The following PEMT variants were observed in gnomAD, a reference collection of about 807,000 sequenced individuals.
The protein encoded by PEMT is phospholipid methyltransferase.
PEMT carries 23 observed loss-of-function variants against 27.4 expected under a neutral mutation model. That is an observed-to-expected ratio of 0.84 (90% CI 0.60 to 1.19). PEMT has a LOEUF of 1.19. Ranked by LOEUF, PEMT falls within the 50% of genes most tolerant of loss-of-function variation. The probability of loss-of-function intolerance (pLI) is 0.00; values close to 1 mark genes in which losing one functional copy is unlikely to be tolerated. For missense variants in PEMT, 307 were observed against 310.1 expected (o/e 0.99, Z 0.07); for synonymous variants, 137 against 139.1 (o/e 0.98, Z 0.11).
intron 2 of PEMT, among the ~76,000 whole-genome samples, chr17:17,526,150 C>A (rs986847321): frequency 2.0e-5 from 3 of 152,176 alleles, no homozygotes; most frequent in African/African-American, 7.2e-5. Context: ...TCTCCCACAC[C>A]CTGGCAAGGA....
intron 2 of PEMT, chr17:17,570,814 G>A: frequency 2.0e-6 from 2 of 985,462 alleles, no homozygotes; most frequent in South Asian, 9.4e-5. Context: ...TGGTGATCTG[G>A]CGGGGGTGAT....
chr17:17,509,333 T>TTC, intron 5 of PEMT, 101 bp downstream of exon 5: 1 of 738,156 alleles, frequency 1.4e-6, no homozygotes, highest in East Asian at 2.6e-5. Flanking sequence ...CGTTCTTCCT[T>TTC]TCTCTCTCTC....
At chr17:17,552,535 C>T (rs1909733044) in intron 2 of PEMT, among the ~76,000 whole-genome samples, 1 of 152,328 alleles carries the variant, frequency 6.6e-6, no homozygotes, top group Non-Finnish European at 1.5e-5. Flanking sequence ...ACCCGCGGCG[C>T]ACCCAAGCCC....
intron 5 of PEMT, chr17:17,507,259 T>C (rs978205826): frequency 2.1e-6 from 3 of 1,399,002 alleles, no homozygotes; most frequent in Non-Finnish European, 2.9e-6. Context: ...GGAAAGGAGC[T>C]GTCTGGCGGG....
At chr17:17,571,275 G>T (rs1170095557) in intron 2 of PEMT, among the ~76,000 whole-genome samples, 1 of 152,110 alleles carries the variant, frequency 6.6e-6, no homozygotes, top group Non-Finnish European at 1.5e-5. Context: ...GAATTCACAA[G>T]AACAGCAGGA....
At chr17:17,577,105 A>T (rs1911652205) in intron 1 of PEMT, 78 bp from the exon 2 acceptor site, 2 of 1,077,982 alleles carry the variant, frequency 1.9e-6, no homozygotes, top group Non-Finnish European at 2.8e-6. Context: ...AGAAAAAGTT[A>T]CCCTCTGGGA....
intron 1 of PEMT, among the ~76,000 whole-genome samples, chr17:17,584,808 G>C (rs944484417): frequency 6.6e-6 from 1 of 152,246 alleles, no homozygotes; most frequent in African/African-American, 2.4e-5. Flanking sequence ...ATGAGACAAG[G>C]ACGCCCGTGC....
At chr17:17,591,780 A>G (rs113980727), upstream of PEMT, 30 of 1,427,634 alleles carry the variant, frequency 2.1e-5, no homozygotes, top group Middle Eastern at 5.2e-4. Flanking sequence ...GTTCCCCGTC[A>G]CCGCGAAGTG....
chr17:17,553,101 C>T (rs1313544954), intron 2 of PEMT, among the ~76,000 whole-genome samples: 1 of 152,218 alleles, frequency 6.6e-6, no homozygotes, highest in Non-Finnish European at 1.5e-5. Context: ...ATTAGGAAGG[C>T]TTTGCTGTCC....
intron 2 of PEMT, among the ~76,000 whole-genome samples, chr17:17,573,728 A>C (rs1333624388): frequency 6.6e-6 from 1 of 152,218 alleles, no homozygotes; most frequent in African/African-American, 2.4e-5. Flanking sequence ...GGACAACTGC[A>C]TTGATAACTA....
At chr17:17,528,719 C>G (rs748293033) in intron 2 of PEMT, among the ~76,000 whole-genome samples, 1 of 152,194 alleles carries the variant, frequency 6.6e-6, no homozygotes, top group Non-Finnish European at 1.5e-5. Context: ...ACCTCAGAGG[C>G]GGTGGAGCCC....
intron 2 of PEMT, among the ~76,000 whole-genome samples, chr17:17,554,604 T>A (rs1167774572): frequency 1.3e-5 from 2 of 152,120 alleles, no homozygotes; most frequent in African/African-American, 4.8e-5. Flanking sequence ...ATTTTTAAAA[T>A]TTTTATTATT....
Position 17,506,431 on chromosome 17 carries a change from C to A in PEMT, c.579-130G>T, listed in dbSNP as rs867655833. ...CCGACGCTGGGCCACTTGGGCCGAC[C>A]GAGCCCAGGCAGCACTGCCCCTTCC... On this transcript the variant is annotated intron_variant, in intron 5 of 6. Coordinates refer to ENST00000255389, the MANE Select transcript of PEMT (RefSeq NM_148172.3). 51 of 622,918 alleles carry A rather than the reference C, an allele frequency of 8.2e-5. No individual in the cohort carries two copies. In the Middle Eastern group the frequency reaches 1.3e-3, roughly 15 times the overall value. The allele number at this position is 622,918 out of a possible 1,614,324, so 38.6% of individuals were successfully genotyped here.
At chr17:17,509,392 A>T (rs1238147692) in intron 5 of PEMT, 42 bp downstream of exon 5, 4 of 1,294,860 alleles carry the variant, frequency 3.1e-6, no homozygotes, top group Non-Finnish European at 4.5e-6. Context: ...CCTCTCCGGG[A>T]GGTGGCCAGC....
intron 2 of PEMT, among the ~76,000 whole-genome samples, chr17:17,537,041 G>T (rs985829221): frequency 6.6e-6 from 1 of 152,380 alleles, no homozygotes; most frequent in South Asian, 2.1e-4. Context: ...GGGACAGGGT[G>T]TCTGCTACGT....
At position 17,575,788 on chromosome 17, in the gene PEMT, G is replaced by A. The variant is rs1911545221; in HGVS notation, c.204+1132C>T. Among the ~76,000 whole-genome samples the A allele has an allele frequency of 2.0e-5, 3 of 152,310 alleles. 1 individual carries two copies. In the South Asian group the frequency reaches 6.2e-4, roughly 32 times the overall value. The stretch of plus-strand genomic sequence containing the variant: ...TGGGCCGCCAGAGCATCCATCCTCG[G>A]AGTGTGTCCAGCATGTTCAGGACAG... On this transcript the variant is annotated intron_variant, in intron 2 of 6. Coordinates refer to ENST00000255389, the MANE Select transcript of PEMT (RefSeq NM_148172.3).
At chr17:17,520,644 G>A (rs898504563) in intron 3 of PEMT, among the ~76,000 whole-genome samples, 3 of 152,218 alleles carry the variant, frequency 2.0e-5, no homozygotes, top group Non-Finnish European at 4.4e-5. Flanking sequence ...CTTGCCCTCC[G>A]AGGGGTGAAA....
chr17:17,549,589 C>G (rs939468107), intron 2 of PEMT, among the ~76,000 whole-genome samples: 1 of 152,250 alleles, frequency 6.6e-6, no homozygotes, highest in Non-Finnish European at 1.5e-5. Flanking sequence ...GGATTACAGT[C>G]ATGGGCCACT....
At chr17:17,576,845 C>T in intron 2 of PEMT, 75 bp downstream of exon 2, 4 of 1,228,336 alleles carry the variant, frequency 3.3e-6, no homozygotes, top group Non-Finnish European at 3.6e-6. Context: ...GCAGCAACCA[C>T]CGCGATCCCC....
Sources: allele counts gnomAD v4.1 joint callset (sites outside exome capture counted in the v4.1 genomes callset), GRCh38; gene constraint gnomAD v4.1.1; transcripts MANE v1.5; gene names NCBI Gene and HGNC (gene_info 2026-07-23, HGNC 2026-07-21).